BRAF: variants seen among roughly 807,000 people sequenced by gnomAD.
BRAF encodes serine/threonine-protein kinase B-raf.
In BRAF, 16 loss-of-function variants were observed where a neutral mutation model predicts 104.6. That is an observed-to-expected ratio of 0.15 (90% CI 0.10 to 0.23). BRAF has a LOEUF of 0.23. Among genes scored for constraint, BRAF ranks in the 10% least tolerant of loss-of-function variants. The pLI, the probability that BRAF is intolerant of heterozygous loss-of-function variation, is 1.00. For missense variants in BRAF, 541 were observed against 937.3 expected (o/e 0.58, Z 5.52); for synonymous variants, 310 against 341.6 (o/e 0.91, Z 1.02).
At chr7:140,816,870 A>C (rs1196664199) in intron 3 of BRAF, among the ~76,000 whole-genome samples, 1 of 152,166 alleles carries the variant, frequency 6.6e-6, no homozygotes, top group African/African-American at 2.4e-5. Flanking sequence ...AATGAAAAAA[A>C]CCTGAAAGTA....
intron 1 of BRAF, among the ~76,000 whole-genome samples, chr7:140,909,351 G>C (rs1030005679): frequency 3.9e-5 from 6 of 152,132 alleles, no homozygotes; most frequent in African/African-American, 1.2e-4. Context: ...CTTGAACCCG[G>C]GAGGCGAAGG....
At chr7:140,885,706 C>A (rs1363855926) in intron 1 of BRAF, among the ~76,000 whole-genome samples, 1 of 152,148 alleles carries the variant, frequency 6.6e-6, no homozygotes, top group Non-Finnish European at 1.5e-5. Context: ...ATTACATAGA[C>A]ATCTGTTGAA....
chr7:140,800,770 G>A (rs1803018407), intron 6 of BRAF, among the ~76,000 whole-genome samples: 2 of 152,194 alleles, frequency 1.3e-5, no homozygotes, highest in South Asian at 2.1e-4. Flanking sequence ...AGTATCTACT[G>A]TAAATTAGGT....
intron 1 of BRAF, among the ~76,000 whole-genome samples, chr7:140,856,592 AG>A (rs1374031726): frequency 6.6e-6 from 1 of 152,222 alleles, no homozygotes; most frequent in African/African-American, 2.4e-5. Flanking sequence ...TTAAAACCTC[AG>A]GTAACGTAAA....
intron 14 of BRAF, among the ~76,000 whole-genome samples, chr7:140,765,487 G>T (rs1019704017): frequency 6.6e-6 from 1 of 152,062 alleles, no homozygotes; most frequent in Non-Finnish European, 1.5e-5. Flanking sequence ...CACAGCAAAA[G>T]AAACTACCAT....
chr7:140,739,566 A>G (rs953432661), intron 18 of BRAF, among the ~76,000 whole-genome samples: 4 of 152,028 alleles, frequency 2.6e-5, no homozygotes, highest in Admixed American at 1.3e-4. Flanking sequence ...AAGAGTTCAA[A>G]GACTGAGAAG....
chr7:140,782,573 T>G (rs1586144686), intron 11 of BRAF, among the ~76,000 whole-genome samples: 1 of 152,156 alleles, frequency 6.6e-6, no homozygotes, highest in East Asian at 1.9e-4. Context: ...TTTTTATTTT[T>G]AAATTTTACT....
chr7:140,804,541 T>C (rs1586225078), intron 5 of BRAF, among the ~76,000 whole-genome samples: 1 of 152,246 alleles, frequency 6.6e-6, no homozygotes, highest in South Asian at 2.1e-4. Flanking sequence ...GCCAGGCTGG[T>C]CTTGAACTCC....
rs537150326 is a variant in BRAF at position 140,797,101 on chromosome 7, TC to T, written c.981-2635del. On this transcript the variant is annotated intron_variant, in intron 7 of 19. Transcript: ENST00000644969. ...CTTGGCAGTCGGCAAACTGGCTTTC[TC>T]CCAATGATACCTGTACCTATCTTGC... Among the ~76,000 whole-genome samples, 223 of 152,268 alleles carry T rather than the reference TC, an allele frequency of 1.5e-3. 1 individual carries two copies. The highest frequency in any genetic ancestry group is 2.5e-3 in the Non-Finnish European group (172 of 68,018).
At chr7:140,879,169 C>T (rs915650754) in intron 1 of BRAF, among the ~76,000 whole-genome samples, 5 of 152,028 alleles carry the variant, frequency 3.3e-5, no homozygotes, top group South Asian at 2.1e-4. Context: ...TGAGCCACCA[C>T]GCCTGGCCAT....
chr7:140,861,041 T>C (rs1351349459), intron 1 of BRAF, among the ~76,000 whole-genome samples: 1 of 152,158 alleles, frequency 6.6e-6, no homozygotes, highest in Non-Finnish European at 1.5e-5. Context: ...AAAAACATAA[T>C]ATTGATGAAA....
At chr7:140,862,616 A>G (rs968259698) in intron 1 of BRAF, among the ~76,000 whole-genome samples, 4 of 152,224 alleles carry the variant, frequency 2.6e-5, no homozygotes, top group Non-Finnish European at 4.4e-5. Flanking sequence ...AAAGCTTCCT[A>G]TAACTAGAAT....
chr7:140,890,609 T>C (rs1036018124), intron 1 of BRAF, among the ~76,000 whole-genome samples: 2 of 152,232 alleles, frequency 1.3e-5, no homozygotes, highest in Non-Finnish European at 2.9e-5. Flanking sequence ...TCTCACTAAA[T>C]GACTTTTCAA....
intron 2 of BRAF, among the ~76,000 whole-genome samples, chr7:140,843,495 G>C (rs946498100): frequency 2.0e-5 from 3 of 152,152 alleles, no homozygotes; most frequent in Non-Finnish European, 4.4e-5. Flanking sequence ...GAAGGGTTCT[G>C]TTTCTTGCAG....
At chr7:140,776,871 T>C (rs2129018049) in intron 14 of BRAF, 41 bp downstream of exon 13, 2 of 1,585,288 alleles carry the variant, frequency 1.3e-6, no homozygotes, top group South Asian at 2.2e-5. Flanking sequence ...CTCAATGGTC[T>C]TCAAAAATAA....
At chr7:140,872,193 C>G (rs1195189989) in intron 1 of BRAF, among the ~76,000 whole-genome samples, 1 of 148,920 alleles carries the variant, frequency 6.7e-6, no homozygotes, top group Non-Finnish European at 1.5e-5. Flanking sequence ...CCAGCCTGGG[C>G]AACAAGAGTG....
At chr7:140,906,448 C>T (rs1422214313) in intron 1 of BRAF, among the ~76,000 whole-genome samples, 3 of 152,168 alleles carry the variant, frequency 2.0e-5, no homozygotes, top group Non-Finnish European at 4.4e-5. Context: ...GCAATCTGCC[C>T]GCCTCAGCCT....
intron 3 of BRAF, among the ~76,000 whole-genome samples, chr7:140,820,369 A>G (rs1303148476): frequency 6.6e-6 from 1 of 152,234 alleles, no homozygotes; most frequent in Non-Finnish European, 1.5e-5. Context: ...CAATAAAAGT[A>G]TTCCCACAGT....
Position 140,922,057 on chromosome 7 carries a change from A to G in BRAF, c.138+2509T>C, listed in dbSNP as rs551251928. ...TAATACTGATATTTACATTCAAGAG[A>G]TACATTTTTTAATCAATGTCACCCT... is the stretch of plus-strand genomic sequence containing the variant. On this transcript the variant is annotated intron_variant, in intron 1 of 19. Coordinates refer to ENST00000644969, the MANE Select transcript of BRAF (RefSeq NM_001374258.1). 2.0e-5 allele frequency among the ~76,000 whole-genome samples: 3 copies of G among 152,272 alleles called. No homozygotes were observed. In the East Asian group the frequency reaches 5.8e-4, roughly 29 times the overall value.
Sources: gnomAD v4.1 joint callset for allele counts (sites outside exome capture counted in the v4.1 genomes callset) on GRCh38, gnomAD v4.1.1 for gene constraint, MANE v1.5 for transcripts, NCBI Gene and HGNC (gene_info 2026-07-23, HGNC 2026-07-21) for gene names.